Variants in NPY1R observed in about 807,000 individuals in gnomAD.
The protein encoded by NPY1R is neuropeptide Y receptor Y1.
Under a neutral mutation model 24.1 loss-of-function variants are expected in NPY1R, and 10 were observed. The ratio of observed to expected loss-of-function variants is 0.42; its 90% CI spans 0.26 to 0.71. The LOEUF is 0.71. Ranked by LOEUF, NPY1R falls within the 30% of genes least tolerant of loss-of-function variation. The pLI, the probability that NPY1R is intolerant of heterozygous loss-of-function variation, is 0.28. For missense variants in NPY1R, 350 were observed against 458.0 expected, an observed-to-expected ratio of 0.76 and a Z score of 2.15; for synonymous variants, 168 against 165.9, an observed-to-expected ratio of 1.01 and a Z score of -0.10.
At chr4:163,337,378 T>A (rs1261544452), upstream of NPY1R, among the ~76,000 whole-genome samples, 1 of 152,208 alleles carries the variant, frequency 6.6e-6, no homozygotes, top group Non-Finnish European at 1.5e-5. Flanking sequence ...ATTTTGAAAT[T>A]CCACCCCTCT....
Position 163,324,942 on chromosome 4 carries a change from C to A in NPY1R, c.*361G>T. On this transcript the variant is annotated 3_prime_UTR_variant, in exon 3 of 3. Coordinates refer to ENST00000296533, the MANE Select transcript of NPY1R (RefSeq NM_000909.6). ...CTAATCTAATCTAATCAAGATGACCCAATCTAATGACCGTATTGGATGGCA... is the reference window on the plus strand; with the variant it reads ...CTAATCTAATCTAATCAAGATGACCAAATCTAATGACCGTATTGGATGGCA... 1 of 192,950 alleles carries A rather than the reference C, an allele frequency of 5.2e-6. No individual in the cohort carries two copies. Among genetic ancestry groups the A allele is most frequent in the South Asian group, 1.0e-4 (1 of 9,954 alleles). The allele number at this position is 192,950 out of a possible 1,614,324, so 12.0% of individuals were successfully genotyped here.
chr4:163,332,446 C>T (rs1460262122), intron 1 of NPY1R, 36 bp downstream of exon 1: 1 of 152,214 alleles, frequency 6.6e-6, no homozygotes, highest in Non-Finnish European at 1.5e-5. Context: ...AGAGATTTCG[C>T]AGAAGTCTCT....
upstream of NPY1R, chr4:163,332,620 C>G (rs951048070): frequency 6.6e-6 from 1 of 152,364 alleles, no homozygotes; most frequent in African/African-American, 2.4e-5. Flanking sequence ...AGAGACGCCT[C>G]CTTAAAGCCG....
At chr4:163,329,574 C>T (rs1244674567) in intron 1 of NPY1R, among the ~76,000 whole-genome samples, 2 of 151,326 alleles carry the variant, frequency 1.3e-5, no homozygotes, top group Middle Eastern at 3.2e-3. Flanking sequence ...GCACTCCAGC[C>T]TGGGTGACAG....
In NPY1R at chr4:163,325,535, G is replaced by A; in HGVS notation, c.923C>T (p.Thr308Ile). 1.2e-6 allele frequency: 2 copies of A among 1,614,012 alleles called. No individual in the cohort carries two copies. Among genetic ancestry groups the A allele is most frequent in the Non-Finnish European group, 1.7e-6 (2 of 1,179,874 alleles). ...HNLLFLLCHL[T>I]AMISTCVNPI... ...GTTGACACAAGTGGATATCATTGCT[G>A]TGAGGTGGCAGAGCAGGAATAACAG... The change falls in exon 3 of 3, where the codon ACA (threonine) becomes ATA (isoleucine). Residue 308 changes from threonine to isoleucine, a missense_variant. Coordinates refer to ENST00000296533, the MANE Select transcript of NPY1R (RefSeq NM_000909.6).
chr4:163,330,278 C>G lies in NPY1R; in HGVS notation c.-152+2204G>C, dbSNP rs139181251. ...CAGGTAAACGTACTGAAGCTCTAGC[C>G]TGATACCTTTGAAATTGTATTTAAT... On this transcript the variant is annotated intron_variant, in intron 1 of 2. Transcript: ENST00000296533. Among the ~76,000 whole-genome samples, 924 of 152,302 alleles carry G rather than the reference C, an allele frequency of 6.1e-3. 31 individuals are homozygous for G. Among genetic ancestry groups the G allele is most frequent in the Admixed American group, 0.052 (800 of 15,298 alleles).
At chr4:163,343,796 C>A (rs376077633) in intron 1 of NPY1R, 1 of 152,170 alleles carries the variant, frequency 6.6e-6, no homozygotes, top group Admixed American at 6.6e-5. Flanking sequence ...GAGGCTGGCG[C>A]GGAGCAGGCG....
At chr4:163,342,021 G>A (rs1734997229) in intron 1 of NPY1R, among the ~76,000 whole-genome samples, 2 of 152,058 alleles carry the variant, frequency 1.3e-5, no homozygotes, top group South Asian at 2.1e-4. Context: ...GTATTGTCAC[G>A]TGTATTTAAA....
At chr4:163,334,493 A>T (rs1734794708), upstream of NPY1R, among the ~76,000 whole-genome samples, 2 of 152,234 alleles carry the variant, frequency 1.3e-5, no homozygotes, top group African/African-American at 4.8e-5. Flanking sequence ...AATGTCAGAT[A>T]CCAATCTTTG....
chr4:163,334,562 T>C (rs943671284), upstream of NPY1R, among the ~76,000 whole-genome samples: 1 of 152,166 alleles, frequency 6.6e-6, no homozygotes, highest in Non-Finnish European at 1.5e-5. Context: ...AAAGAGAAGT[T>C]CTGAAATACT....
chr4:163,335,504 C>T (rs6837777), upstream of NPY1R, among the ~76,000 whole-genome samples: 12,265 of 152,160 alleles, frequency 0.081, 1,453 homozygotes, highest in African/African-American at 0.27. Context: ...TGAGGAATTT[C>T]TGCTACAAGA....
At chr4:163,329,443 A>T (rs748285473) in intron 1 of NPY1R, among the ~76,000 whole-genome samples, 2 of 152,100 alleles carry the variant, frequency 1.3e-5, no homozygotes, top group Non-Finnish European at 2.9e-5. Context: ...TCTACTAAAA[A>T]TACAAAAATC....
chr4:163,339,827 T>C (rs1162154163), intron 1 of NPY1R, among the ~76,000 whole-genome samples: 1 of 152,168 alleles, frequency 6.6e-6, no homozygotes, highest in Non-Finnish European at 1.5e-5. Context: ...AACTTGAATA[T>C]GGACCCTACT....
At chr4:163,335,743 C>T (rs1400311837), upstream of NPY1R, among the ~76,000 whole-genome samples, 4 of 151,952 alleles carry the variant, frequency 2.6e-5, no homozygotes, top group Non-Finnish European at 5.9e-5. Flanking sequence ...CTGTGACTTA[C>T]CTGCTGCATT....
chr4:163,342,309 T>G (rs553494575), intron 1 of NPY1R, among the ~76,000 whole-genome samples: 2 of 152,230 alleles, frequency 1.3e-5, no homozygotes, highest in African/African-American at 2.4e-5. Flanking sequence ...TTGGAATTTG[T>G]TTTAAAGACA....
At chr4:163,326,928 T>G (rs1283049979) in intron 1 of NPY1R, among the ~76,000 whole-genome samples, 1 of 152,192 alleles carries the variant, frequency 6.6e-6, no homozygotes, top group African/African-American at 2.4e-5. Context: ...TAGTAAAACA[T>G]AATGGTCTAT....
At chr4:163,341,067 A>G (rs1291283169) in intron 1 of NPY1R, among the ~76,000 whole-genome samples, 1 of 151,692 alleles carries the variant, frequency 6.6e-6, no homozygotes, top group Non-Finnish European at 1.5e-5. Flanking sequence ...TTTGGGCTAA[A>G]CTTCTTTTCA....
chr4:163,336,646 T>C (rs1249427143), upstream of NPY1R, among the ~76,000 whole-genome samples: 1 of 152,142 alleles, frequency 6.6e-6, no homozygotes, highest in East Asian at 1.9e-4. Context: ...AGAAAAGCTA[T>C]GAAGGTATAA....
intron 1 of NPY1R, among the ~76,000 whole-genome samples, chr4:163,329,667 A>G (rs926542762): frequency 1.3e-5 from 2 of 151,886 alleles, no homozygotes. Flanking sequence ...ACTGTAAAAG[A>G]TGGCCTCTGA....
Sources: allele counts gnomAD v4.1 joint callset (sites outside exome capture counted in the v4.1 genomes callset), GRCh38; gene constraint gnomAD v4.1.1; transcripts MANE v1.5; gene names NCBI Gene and HGNC (gene_info 2026-07-23, HGNC 2026-07-21).